CCDC63: variants seen among roughly 807,000 people sequenced by gnomAD.
CCDC63 encodes the protein coiled-coil domain containing 63, also known as coiled-coil domain-containing protein 63.
CCDC63 carries 54 observed loss-of-function variants against 63.6 expected under a neutral mutation model. The observed-to-expected ratio is 0.85, with a 90% CI of 0.68 to 1.07. CCDC63 has a LOEUF of 1.07. Among genes scored for constraint, CCDC63 ranks in the 50% least tolerant of loss-of-function variants. CCDC63 has a pLI of 0.00. For synonymous variants in CCDC63, 253 were observed against 266.1 expected, an observed-to-expected ratio of 0.95 and a Z score of 0.48; for missense variants, 637 against 689.6, an observed-to-expected ratio of 0.92 and a Z score of 0.86.
intron 5 of CCDC63, among the ~76,000 whole-genome samples, chr12:110,876,660 T>G (rs1156833015): frequency 1.3e-5 from 2 of 152,112 alleles, no homozygotes; most frequent in Non-Finnish European, 2.9e-5. Context: ...GTTAGGAATA[T>G]TTTTTTGTAG....
chr12:110,853,002 T>G, intron 2 of CCDC63, 39 bp downstream of exon 2: 2 of 1,606,020 alleles, frequency 1.2e-6, no homozygotes, highest in Non-Finnish European at 1.7e-6. Flanking sequence ...GCACCTACTA[T>G]GGGGTCAGGC....
chr12:110,887,668 T>A (rs2071301901), intron 8 of CCDC63, among the ~76,000 whole-genome samples: 1 of 151,866 alleles, frequency 6.6e-6, no homozygotes, highest in African/African-American at 2.4e-5. Flanking sequence ...AATTCTAACA[T>A]CTGACTTCAC....
chr12:110,866,652 C>G (rs1160697291), intron 4 of CCDC63, among the ~76,000 whole-genome samples: 1 of 151,542 alleles, frequency 6.6e-6, no homozygotes, highest in East Asian at 1.9e-4. Flanking sequence ...CACAGATCAA[C>G]AGTATCCCAA....
At chr12:110,846,937 A>G (rs1425496623), upstream of CCDC63, 1 of 152,254 alleles carries the variant, frequency 6.6e-6, no homozygotes, top group Non-Finnish European at 1.5e-5. Context: ...GCGAGTCACA[A>G]AGGCGCCCGT....
chr12:110,900,031 T>C (rs2071467614), intron 10 of CCDC63, among the ~76,000 whole-genome samples: 1 of 151,914 alleles, frequency 6.6e-6, no homozygotes, highest in African/African-American at 2.4e-5. Context: ...CTGGCAAACA[T>C]GGTGAAACCC....
At position 110,884,670 on chromosome 12, in the gene CCDC63, C is replaced by G. The variant is rs572946639; in HGVS notation, c.1074+420C>G. Among the ~76,000 whole-genome samples the G allele has an allele frequency of 2.2e-4, 33 of 151,960 alleles. No individual in the cohort carries two copies. The South Asian group carries it at 2.7e-3, about 12-fold the overall frequency. On this transcript the variant is annotated intron_variant, in intron 8 of 11. Coordinates refer to ENST00000308208, the MANE Select transcript of CCDC63 (RefSeq NM_152591.3). ...AGATTACAAGTGTGAAACGTTGCAC[C>G]CAGTGTCCCCTTACTTTTTATTTGT...
At position 110,858,110 on chromosome 12, in the gene CCDC63, T is replaced by TATAAAATAAAATAAAATAAA. The variant is rs67701132; in HGVS notation, c.180-444_180-425dup. ...AACAGAGTGAGACTCTGTCTCAAAA[T>TATAAAATAAAATAAAATAAA]ATAAAATAAAATAAAATAAAATAAA... On this transcript the variant is annotated intron_variant, in intron 3 of 11. Coordinates refer to ENST00000308208, the MANE Select transcript of CCDC63 (RefSeq NM_152591.3). 4.3e-3 allele frequency among the ~76,000 whole-genome samples: 586 copies of TATAAAATAAAATAAAATAAA among 137,848 alleles called. 10 individuals carry two copies. The highest frequency in any genetic ancestry group is 0.015 in the African/African-American group (547 of 35,670). 90.4% of individuals were successfully genotyped at this position (137,848 alleles called of 152,430 possible).
At chr12:110,857,220 G>C (rs1198545319) in intron 3 of CCDC63, among the ~76,000 whole-genome samples, 2 of 151,952 alleles carry the variant, frequency 1.3e-5, no homozygotes, top group Admixed American at 1.3e-4. Context: ...TCCGCCTCCC[G>C]GGTTCAAGCA....
At chr12:110,891,936 G>A (rs1299798950) in intron 8 of CCDC63, among the ~76,000 whole-genome samples, 1 of 152,184 alleles carries the variant, frequency 6.6e-6, no homozygotes, top group Non-Finnish European at 1.5e-5. Flanking sequence ...CATGAGATTG[G>A]TCGGTCGAAA....
Position 110,879,933 on chromosome 12 carries a change from A to G in CCDC63, c.517A>G (p.Thr173Ala). The stretch of plus-strand genomic sequence containing the variant: ...CACTGTTCACTTTGACAAGATGCTG[A>G]CCACTAATGCCAAGCTCCGGAAGGA... ...LVTVHFDKML[T>A]TNAKLRKEIE... is the part of the protein sequence containing the mutation. The change falls in exon 6 of 12, where the codon ACC becomes GCC. Residue 173 changes from threonine (T) to alanine (A), a missense_variant. Coordinates refer to ENST00000308208, the MANE Select transcript of CCDC63 (RefSeq NM_152591.3). The G allele has an allele frequency of 6.2e-7, 1 of 1,614,196 alleles. No individual in the cohort carries two copies. The highest frequency in any genetic ancestry group is 8.5e-7 in the Non-Finnish European group (1 of 1,180,018).
At chr12:110,882,150 G>A (rs1406801566) in intron 7 of CCDC63, among the ~76,000 whole-genome samples, 5 of 152,194 alleles carry the variant, frequency 3.3e-5, no homozygotes, top group African/African-American at 1.2e-4. Flanking sequence ...CTGGGCGCAA[G>A]CTTCCAAGTA....
Position 110,879,994 on chromosome 12 carries a change from A to G in CCDC63, c.578A>G (p.Asp193Gly). ...EDLRFEKAAY[D>G]NVYQQLQHCL... ...CTACGATTTGAGAAGGCTGCTTATGACAATGTCTACCAGCAGCTCCAGCAC... is the reference window on the plus strand; with the variant it reads ...CTACGATTTGAGAAGGCTGCTTATGGCAATGTCTACCAGCAGCTCCAGCAC... The change falls in exon 6 of 12, where the codon GAC (aspartate) becomes GGC (glycine). Residue 193 changes from aspartate (D) to glycine (G), a missense_variant. Transcript: ENST00000308208. 6.2e-7 allele frequency: 1 copy of G among 1,614,166 alleles called. No homozygotes were observed. The highest frequency in any genetic ancestry group is 8.5e-7 in the Non-Finnish European group (1 of 1,180,000).
intron 1 of CCDC63, among the ~76,000 whole-genome samples, 192 bp from the exon 2 acceptor site, chr12:110,852,667 G>A (rs79439674): frequency 6.6e-6 from 1 of 152,254 alleles, no homozygotes; most frequent in African/African-American, 2.4e-5. Flanking sequence ...AGAGAACCAG[G>A]TTCCAGGCAA....
intron 4 of CCDC63, among the ~76,000 whole-genome samples, chr12:110,869,866 G>T (rs1156512942): frequency 2.6e-5 from 4 of 152,140 alleles, no homozygotes; most frequent in African/African-American, 9.7e-5. Context: ...AACCAAGAGA[G>T]GCTTTGACCA....
intron 5 of CCDC63, among the ~76,000 whole-genome samples, chr12:110,876,489 C>T (rs1383375807): frequency 6.6e-6 from 1 of 152,298 alleles, no homozygotes; most frequent in South Asian, 2.1e-4. Context: ...CTCTTCTGCT[C>T]AGGCTTGTGG....
chr12:110,862,701 C>T (rs543790206), intron 4 of CCDC63, among the ~76,000 whole-genome samples: 21 of 152,182 alleles, frequency 1.4e-4, no homozygotes, highest in African/African-American at 4.3e-4. Context: ...CTGGAGATGC[C>T]GCCCTTGTGG....
chr12:110,868,700 G>A (rs2071014109), intron 4 of CCDC63, among the ~76,000 whole-genome samples: 1 of 144,780 alleles, frequency 6.9e-6, no homozygotes, highest in Non-Finnish European at 1.5e-5. Flanking sequence ...CCGCATGAGA[G>A]GGAGACCGTG....
chr12:110,867,827 C>T (rs568822333), intron 4 of CCDC63, among the ~76,000 whole-genome samples: 5 of 150,542 alleles, frequency 3.3e-5, no homozygotes, highest in East Asian at 2.0e-4. Context: ...TAGGGGCGGC[C>T]GGGCAGAGGC....
At chr12:110,860,525 A>G (rs188466256) in intron 4 of CCDC63, among the ~76,000 whole-genome samples, 25 of 152,350 alleles carry the variant, frequency 1.6e-4, no homozygotes, top group Middle Eastern at 3.4e-3. Context: ...TACTATTTCT[A>G]TTATAGTATT....
Sources: gnomAD v4.1 joint callset for allele counts (sites outside exome capture counted in the v4.1 genomes callset) on GRCh38, gnomAD v4.1.1 for gene constraint, MANE v1.5 for transcripts, NCBI Gene and HGNC (gene_info 2026-07-23, HGNC 2026-07-21) for gene names.